Variants in SEMA3A observed in about 807,000 individuals in gnomAD.
The protein encoded by SEMA3A is semaphorin-3A.
A neutral mutation model predicts 97.9 loss-of-function variants in SEMA3A; 29 were observed. That is an observed-to-expected ratio of 0.30 (90% CI 0.22 to 0.40). The LOEUF (loss-of-function observed/expected upper bound fraction) is 0.40. SEMA3A is among the 10% of genes least tolerant of loss of function. The pLI, the probability that SEMA3A is intolerant of heterozygous loss-of-function variation, is 1.00. For synonymous variants in SEMA3A, 321 were observed against 323.7 expected (o/e 0.99, Z 0.09); for missense variants, 763 against 951.3 (o/e 0.80, Z 2.60).
At chr7:84,389,799 T>C (rs1359702957) in intron 1 of SEMA3A, among the ~76,000 whole-genome samples, 2 of 152,120 alleles carry the variant, frequency 1.3e-5, no homozygotes, top group Middle Eastern at 3.2e-3. Flanking sequence ...AAAAAGTTTA[T>C]AAAATTATAC....
chr7:84,234,260 C>A (rs998387945), intron 3 of SEMA3A, among the ~76,000 whole-genome samples: 6 of 151,980 alleles, frequency 3.9e-5, no homozygotes, highest in Admixed American at 2.0e-4. Flanking sequence ...ATAAAGTCCC[C>A]ACTTTCTCAC....
chr7:84,370,845 G>GA lies in SEMA3A; in HGVS notation c.-169+978dup, dbSNP rs1393026645. On this transcript the variant is annotated intron_variant, in intron 2 of 3. Transcript: ENST00000424555. ...AGTTAATATAGCATGTTCTAAGGCA[G>GA]AAAAAAAGATTCTCAGTTCCCCTAA... 2.6e-5 allele frequency among the ~76,000 whole-genome samples: 4 copies of GA among 151,094 alleles called. No individual in the cohort carries two copies. In the South Asian group the frequency reaches 8.3e-4, roughly 31 times the overall value.
intron 2 of SEMA3A, among the ~76,000 whole-genome samples, chr7:84,371,512 A>G (rs1802976796): frequency 6.6e-6 from 1 of 151,940 alleles, no homozygotes; most frequent in Non-Finnish European, 1.5e-5. Flanking sequence ...GCATCAACTC[A>G]TAATTAAGAT....
At chr7:84,141,674 C>T (rs1190012528) in intron 1 of SEMA3A, among the ~76,000 whole-genome samples, 1 of 152,122 alleles carries the variant, frequency 6.6e-6, no homozygotes, top group Non-Finnish European at 1.5e-5. Flanking sequence ...ACCCTCCACC[C>T]TCCAGTAAGC....
intron 3 of SEMA3A, among the ~76,000 whole-genome samples, chr7:84,297,797 A>G (rs1375952674): frequency 6.6e-6 from 1 of 152,178 alleles, no homozygotes; most frequent in Non-Finnish European, 1.5e-5. Context: ...ATTGTTGCAA[A>G]GTCCAGCTGT....
chr7:84,029,844 A>G (rs1201652320), intron 6 of SEMA3A, among the ~76,000 whole-genome samples: 1 of 147,054 alleles, frequency 6.8e-6, no homozygotes, highest in Non-Finnish European at 1.5e-5. Flanking sequence ...CACACATTTT[A>G]GAAAGTAGTA....
At chr7:84,283,366 C>T (rs893168053) in intron 3 of SEMA3A, among the ~76,000 whole-genome samples, 3 of 152,094 alleles carry the variant, frequency 2.0e-5, no homozygotes, top group East Asian at 3.9e-4. Context: ...ATCAAACCTG[C>T]ACTCATTTTT....
chr7:84,361,952 A>G (rs1057007773), intron 2 of SEMA3A, among the ~76,000 whole-genome samples: 1 of 151,970 alleles, frequency 6.6e-6, no homozygotes, highest in Non-Finnish European at 1.5e-5. Flanking sequence ...GAATTCTTGA[A>G]AACAGATTAT....
intron 2 of SEMA3A, among the ~76,000 whole-genome samples, chr7:84,354,031 T>C (rs991078294): frequency 1.9e-4 from 29 of 151,632 alleles, no homozygotes; most frequent in African/African-American, 5.1e-4. Flanking sequence ...CTTAATGTAC[T>C]GAAAAAAGAA....
At chr7:84,274,675 T>C (rs906984898) in intron 3 of SEMA3A, among the ~76,000 whole-genome samples, 14 of 152,068 alleles carry the variant, frequency 9.2e-5, no homozygotes, top group Admixed American at 6.6e-5. Flanking sequence ...TTATATGTAT[T>C]ATAAAATACC....
intron 3 of SEMA3A, among the ~76,000 whole-genome samples, chr7:84,282,192 C>T (rs1362950054): frequency 6.6e-6 from 1 of 152,068 alleles, no homozygotes; most frequent in Non-Finnish European, 1.5e-5. Flanking sequence ...ACAGTAAATT[C>T]ATGATTTTTA....
chr7:84,442,457 T>C (rs2116343126), intron 1 of SEMA3A, among the ~76,000 whole-genome samples: 1 of 152,058 alleles, frequency 6.6e-6, no homozygotes, highest in Non-Finnish European at 1.5e-5. Context: ...AATACAGAAG[T>C]TAGCTAAAGA....
At chr7:84,396,413 CAA>C (rs1803734766) in intron 1 of SEMA3A, among the ~76,000 whole-genome samples, 1 of 151,592 alleles carries the variant, frequency 6.6e-6, no homozygotes, top group African/African-American at 2.4e-5. Flanking sequence ...GCCTCAGTGA[CAA>C]AGAGAATGTT....
intron 5 of SEMA3A, among the ~76,000 whole-genome samples, chr7:84,053,702 G>C (rs1792796365): frequency 6.7e-6 from 1 of 149,824 alleles, no homozygotes; most frequent in African/African-American, 2.4e-5. Context: ...GGAGCATTTA[G>C]TCCATTTACA....
Position 84,134,787 on chromosome 7 carries a change from C to T in SEMA3A, c.270+7G>A, listed in dbSNP as rs758946310. On this transcript the variant is annotated splice_region_variant and intron_variant, in intron 2 of 16. Coordinates refer to ENST00000265362, the MANE Select transcript of SEMA3A (RefSeq NM_006080.3). Reference sequence around the variant, plus strand: ...TAACTATAGTGCATATATTAGAATACTGATACCTTTTGAAAATCCTTGATA... The same window carrying T: ...TAACTATAGTGCATATATTAGAATATTGATACCTTTTGAAAATCCTTGATA... The T allele has an allele frequency of 1.3e-6, 2 of 1,599,776 alleles. No individual in the cohort carries two copies. The highest frequency in any genetic ancestry group is 2.2e-5 in the South Asian group (2 of 89,804).
chr7:84,253,265 G>A (rs909881995), intron 3 of SEMA3A, among the ~76,000 whole-genome samples: 1 of 152,022 alleles, frequency 6.6e-6, no homozygotes, highest in Non-Finnish European at 1.5e-5. Context: ...CACACAGTAA[G>A]CATTTCCTGG....
intron 2 of SEMA3A, among the ~76,000 whole-genome samples, chr7:84,329,964 CTATTTGA>C (rs2115944116): frequency 6.6e-6 from 1 of 152,078 alleles, no homozygotes; most frequent in South Asian, 2.1e-4. Context: ...ATGTGTTTCA[CTATTTGA>C]TTAATTCAAT....
At chr7:84,418,793 C>T (rs536421426) in intron 1 of SEMA3A, among the ~76,000 whole-genome samples, 32 of 152,020 alleles carry the variant, frequency 2.1e-4, no homozygotes, top group African/African-American at 7.7e-4. Context: ...TTGGACTGAG[C>T]CATGCTGCTG....
chr7:83,958,858 C>T lies in SEMA3A; in HGVS notation c.*2513G>A, dbSNP rs1036479479. 6.6e-5 allele frequency: 10 copies of T among 152,296 alleles called. No homozygotes were observed. Among genetic ancestry groups the T allele is most frequent in the Non-Finnish European group, 8.8e-5 (6 of 67,942 alleles). The allele number at this position is 152,296 out of a possible 1,614,324, so 9.4% of individuals were successfully genotyped here. ...ACTTTAAGACTGCTGTTGTAATTTT[C>T]GTAAGGTCACATGAGTCTCTCAAAC... On this transcript the variant is annotated 3_prime_UTR_variant, in exon 17 of 17. Coordinates refer to ENST00000265362, the MANE Select transcript of SEMA3A (RefSeq NM_006080.3).
Sources: allele counts gnomAD v4.1 joint callset (sites outside exome capture counted in the v4.1 genomes callset), GRCh38; gene constraint gnomAD v4.1.1; transcripts MANE v1.5; gene names NCBI Gene and HGNC (gene_info 2026-07-23, HGNC 2026-07-21).